Variants in UBR2 observed in about 807,000 individuals in gnomAD.
UBR2 encodes ubiquitin protein ligase E3 component n-recognin 2, also known as E3 ubiquitin-protein ligase UBR2.
Under a neutral mutation model 247.9 loss-of-function variants are expected in UBR2, and 92 were observed. That is an observed-to-expected ratio of 0.37 (90% CI 0.31 to 0.44). The LOEUF is 0.44. Ranked by LOEUF, UBR2 falls within the 20% of genes least tolerant of loss-of-function variation. UBR2 has a pLI of 1.00. For missense variants in UBR2, 1,613 were observed against 2,112.6 expected (o/e 0.76, Z 4.64); for synonymous variants, 672 against 693.5 (o/e 0.97, Z 0.49).
chr6:42,594,134 A>C (rs1184221517), intron 3 of UBR2, 57 bp from the exon 4 acceptor site: 17 of 1,308,664 alleles, frequency 1.3e-5, no homozygotes, highest in Non-Finnish European at 1.9e-5. Context: ...CTTATTTATT[A>C]TCTGATAGCC....
intron 30 of UBR2, among the ~76,000 whole-genome samples, chr6:42,661,624 A>C (rs1239276129): frequency 1.3e-5 from 2 of 152,216 alleles, no homozygotes; most frequent in African/African-American, 4.8e-5. Context: ...CCAGGACAGA[A>C]GACTCTGAAT....
chr6:42,647,243 A>G (rs1283155165), intron 21 of UBR2, among the ~76,000 whole-genome samples: 1 of 152,134 alleles, frequency 6.6e-6, no homozygotes, highest in African/African-American at 2.4e-5. Flanking sequence ...AATTTAGCCT[A>G]AGCTTTAAGG....
intron 46 of UBR2, 122 bp from the exon 47 acceptor site, chr6:42,690,910 C>A: frequency 7.9e-7 from 1 of 1,258,246 alleles, no homozygotes; most frequent in African/African-American, 1.5e-5. Context: ...ACCTGCCAGA[C>A]AGAAATGTTG....
intron 42 of UBR2, among the ~76,000 whole-genome samples, chr6:42,680,871 C>T (rs929076734): frequency 6.6e-6 from 1 of 152,116 alleles, no homozygotes; most frequent in Non-Finnish European, 1.5e-5. Context: ...AAGTTCAAGA[C>T]CAGCCTGGGG....
intron 23 of UBR2, among the ~76,000 whole-genome samples, chr6:42,651,710 C>T (rs201678522): frequency 1.3e-5 from 2 of 151,962 alleles, no homozygotes; most frequent in South Asian, 4.2e-4. Flanking sequence ...AGGCTGCTCT[C>T]GAACTCCTGA....
Position 42,632,536 on chromosome 6 carries a change from T to C in UBR2, c.1282-16T>C. ...AGTTTTTGATTACCATGCACTCTGA[T>C]AAACTTTGTTTTTAGGCTCGAATGC... On this transcript the variant is annotated splice_polypyrimidine_tract_variant and intron_variant, in intron 11 of 46. Transcript: ENST00000372901. The C allele has an allele frequency of 6.3e-7, 1 of 1,584,320 alleles. No individual in the cohort carries two copies. Among genetic ancestry groups the C allele is most frequent in the Non-Finnish European group, 8.6e-7 (1 of 1,167,746 alleles).
intron 6 of UBR2, among the ~76,000 whole-genome samples, 161 bp downstream of exon 6, chr6:42,606,020 A>G (rs1355816610): frequency 6.6e-6 from 1 of 152,144 alleles, no homozygotes; most frequent in Non-Finnish European, 1.5e-5. Flanking sequence ...CAAGGCAGGC[A>G]GATCACGAGG....
intron 2 of UBR2, among the ~76,000 whole-genome samples, chr6:42,588,086 C>A (rs1792409891): frequency 6.6e-6 from 1 of 152,210 alleles, no homozygotes; most frequent in Non-Finnish European, 1.5e-5. Flanking sequence ...TTTCACAAGT[C>A]TGCCCCCTAC....
intron 44 of UBR2, among the ~76,000 whole-genome samples, chr6:42,686,783 C>T (rs558488435): frequency 2.7e-4 from 41 of 151,458 alleles, no homozygotes; most frequent in African/African-American, 8.2e-4. Flanking sequence ...GGCTGCTGGG[C>T]GGAGACGCTC....
In UBR2 at chr6:42,663,249, A is replaced by G; in HGVS notation, c.3537-9A>G. The G allele has an allele frequency of 6.3e-7, 1 of 1,589,448 alleles. No homozygotes were observed. The highest frequency in any genetic ancestry group is 8.6e-7 in the Non-Finnish European group (1 of 1,167,740). The stretch of plus-strand genomic sequence containing the variant: ...TTGTTTTGATACCTCATGTTCTCTA[A>G]TTGTAAAGGTATTTTGATTCCGTTC... On this transcript the variant is annotated splice_polypyrimidine_tract_variant and intron_variant, in intron 31 of 46. Transcript: ENST00000372901.
chr6:42,595,711 C>G (rs1021136790), intron 4 of UBR2, among the ~76,000 whole-genome samples: 5 of 149,598 alleles, frequency 3.3e-5, no homozygotes, highest in African/African-American at 7.4e-5. Context: ...GATCATGACC[C>G]TGTCTTTAAA....
At chr6:42,592,340 T>A in intron 3 of UBR2, 111 bp downstream of exon 3, 1 of 822,678 alleles carries the variant, frequency 1.2e-6, no homozygotes, top group Non-Finnish European at 1.8e-6. Context: ...GAGGGTGGTT[T>A]AAACAGTGTG....
At chr6:42,682,301 G>C (rs1324014138) in intron 42 of UBR2, among the ~76,000 whole-genome samples, 1 of 152,086 alleles carries the variant, frequency 6.6e-6, no homozygotes, top group East Asian at 1.9e-4. Context: ...AGTTGGGAAA[G>C]ATGAAAATGT....
chr6:42,605,287 C>T (rs1793630432), intron 5 of UBR2, among the ~76,000 whole-genome samples: 2 of 152,108 alleles, frequency 1.3e-5, no homozygotes, highest in Admixed American at 6.6e-5. Context: ...TTAGCAGCAT[C>T]CCTGGCTTCT....
rs1176702543 is a variant in UBR2, at chr6:42,689,781, T to C, written c.5126+111T>C. 4.3e-6 allele frequency: 4 copies of C among 934,634 alleles called. No homozygotes were observed. The Admixed American group carries it at 7.7e-5, about 18-fold the overall frequency. The allele number at this position is 934,634 out of a possible 1,614,324, so 57.9% of individuals were successfully genotyped here. A position where few individuals can be genotyped will look rare whatever the true frequency, so the allele number is the denominator to read the frequency against. On this transcript the variant is annotated intron_variant, in intron 46 of 46. Transcript: ENST00000372901. The surrounding 1 kb of genome is among the most constrained non-coding windows in gnomAD (Gnocchi z 4.0). ...GGTTCTGGAAGAGGTGGCTGTGTTA[T>C]CTGTGGAGTCTTCCAAGGAGGGTGC...
At position 42,689,962 on chromosome 6, in the gene UBR2, C is replaced by T. The variant is rs73424480; in HGVS notation, c.5126+292C>T. Among the ~76,000 whole-genome samples, 433 of 152,260 alleles carry T rather than the reference C, an allele frequency of 2.8e-3. 2 individuals carry two copies. Among genetic ancestry groups the T allele is most frequent in the African/African-American group, 0.01 (417 of 41,544 alleles). On this transcript the variant is annotated intron_variant, in intron 46 of 46. Coordinates refer to ENST00000372901, the MANE Select transcript of UBR2 (RefSeq NM_001363705.2). This position sits in a 1 kb window ranked among gnomAD's most constrained non-coding sequence, Gnocchi z 4.0. Reference sequence around the variant, plus strand: ...TGCCATATAGCATCCCAGCTCAGAGCACTCCAGGGATGGCCCACTCTGACT... The same window carrying T: ...TGCCATATAGCATCCCAGCTCAGAGTACTCCAGGGATGGCCCACTCTGACT...
At position 42,603,625 on chromosome 6, in the gene UBR2, G is replaced by A. The variant is rs1306280957; in HGVS notation, c.569G>A (p.Arg190Lys). ...CATTTATCAGAAGATGTGATAGCAA[G>A]AACTTATAACATTTTTGCTATTACG... ...LVHLSEDVIA[R>K]TYNIFAITFR... The change falls in exon 5 of 47, where the codon AGA becomes AAA. Residue 190 changes from arginine to lysine, a missense_variant. By Grantham distance (26) the Arg-to-Lys change is conservative. Coordinates refer to ENST00000372901, the MANE Select transcript of UBR2 (RefSeq NM_001363705.2). The A allele has an allele frequency of 1.3e-6, 2 of 1,589,286 alleles. No homozygotes were observed. The highest frequency in any genetic ancestry group is 1.7e-6 in the Non-Finnish European group (2 of 1,173,850).
chr6:42,655,351 G>A (rs927773349), intron 25 of UBR2, among the ~76,000 whole-genome samples: 18 of 151,304 alleles, frequency 1.2e-4, no homozygotes, highest in African/African-American at 3.4e-4. Flanking sequence ...GGTGGCACGC[G>A]CCTGTAGTCC....
intron 8 of UBR2, among the ~76,000 whole-genome samples, chr6:42,614,169 T>C (rs1794271347): frequency 9.2e-6 from 1 of 108,600 alleles, no homozygotes; most frequent in Non-Finnish European, 1.7e-5. Flanking sequence ...AGAGTAAGAC[T>C]CTGTCTCCAA....
Sources: gnomAD v4.1 joint callset for allele counts (sites outside exome capture counted in the v4.1 genomes callset) on GRCh38, gnomAD v4.1.1 for gene constraint, Gnocchi (gnomAD v3.1) non-coding constraint, MANE v1.5 for transcripts, NCBI Gene and HGNC (gene_info 2026-07-23, HGNC 2026-07-21) for gene names.